CELF4: variants seen among roughly 807,000 people sequenced by gnomAD.
The protein encoded by CELF4 is CUG-BP- and ETR-3-like factor 4.
CELF4 carries 18 observed loss-of-function variants against 59.9 expected under a neutral mutation model. That is an observed-to-expected ratio of 0.30 (90% CI 0.21 to 0.45). The LOEUF (loss-of-function observed/expected upper bound fraction) is 0.45, where lower values mean the gene tolerates loss of function less well. CELF4 is among the 20% of genes least tolerant of loss of function. The pLI is 1.00. For missense variants in CELF4, 456 were observed against 689.0 expected, an observed-to-expected ratio of 0.66 and a Z score of 3.79; for synonymous variants, 261 against 267.1, an observed-to-expected ratio of 0.98 and a Z score of 0.22.
chr18:37,335,897 C>T (rs1399160591), intron 2 of CELF4, among the ~76,000 whole-genome samples: 1 of 152,200 alleles, frequency 6.6e-6, no homozygotes, highest in African/African-American at 2.4e-5. Context: ...GGCCTGACAC[C>T]CGCAGCCTGC....
intron 2 of CELF4, among the ~76,000 whole-genome samples, chr18:37,366,189 G>T (rs1186855610): frequency 6.6e-6 from 1 of 152,186 alleles, no homozygotes; most frequent in East Asian, 1.9e-4. Context: ...CCCCAAACCA[G>T]ATCTCGAGGC....
intron 1 of CELF4, among the ~76,000 whole-genome samples, chr18:37,491,030 G>A (rs1345631307): frequency 6.6e-6 from 1 of 152,192 alleles, no homozygotes; most frequent in Admixed American, 6.5e-5. Context: ...AAGGTGGGGT[G>A]GGGGCAGAGA....
chr18:37,308,329 CT>C (rs779540878), intron 3 of CELF4, among the ~76,000 whole-genome samples: 11 of 152,190 alleles, frequency 7.2e-5, no homozygotes, highest in Non-Finnish European at 1.5e-4. Flanking sequence ...TGGTTTCCTC[CT>C]TTTGCCCTGG....
intron 2 of CELF4, among the ~76,000 whole-genome samples, chr18:37,468,327 G>T (rs1213350861): frequency 6.6e-6 from 1 of 152,180 alleles, no homozygotes; most frequent in African/African-American, 2.4e-5. Flanking sequence ...AACAGTGCTG[G>T]CCTCAGAGGC....
At chr18:37,286,096 C>CG (rs1312574028) in intron 3 of CELF4, among the ~76,000 whole-genome samples, 1 of 151,606 alleles carries the variant, frequency 6.6e-6, no homozygotes, top group Non-Finnish European at 1.5e-5. Flanking sequence ...CCAGCATGGG[C>CG]GGGGGGAGGT....
intron 2 of CELF4, among the ~76,000 whole-genome samples, chr18:37,450,372 C>T (rs1335492980): frequency 6.6e-6 from 1 of 151,712 alleles, no homozygotes; most frequent in Non-Finnish European, 1.5e-5. Context: ...GTGTCTCTGT[C>T]TCCCTGTCCA....
intron 1 of CELF4, among the ~76,000 whole-genome samples, chr18:37,539,584 C>T (rs2099976283): frequency 1.3e-5 from 2 of 152,206 alleles, no homozygotes; most frequent in African/African-American, 4.8e-5. Flanking sequence ...GTGACAGTCA[C>T]ACATGCCCAT....
At chr18:37,259,416 C>T in intron 10 of CELF4, 152 bp from the exon 11 acceptor site, 2 of 607,866 alleles carry the variant, frequency 3.3e-6, no homozygotes, top group Non-Finnish European at 5.9e-6. Context: ...CAAGGGCGCC[C>T]CAGAAGAGGC....
Position 37,245,455 on chromosome 18 carries a change from T to C in CELF4, c.*45-258A>G, listed in dbSNP as rs1384320404. Among the ~76,000 whole-genome samples, 1 of 152,174 alleles carries C rather than the reference T, an allele frequency of 6.6e-6. No individual in the cohort carries two copies. Among genetic ancestry groups the C allele is most frequent in the African/African-American group, 2.4e-5 (1 of 41,432 alleles). ...AGGTTTCGTTGTTGGGAGAAGGTTC[T>C]TGATTTGGGTTACTTTAGCATTCTG... On this transcript the variant is annotated intron_variant, in intron 12 of 12. Transcript: ENST00000420428. The surrounding 1 kb of genome is among the most constrained non-coding windows in gnomAD (Gnocchi z 4.1).
At chr18:37,449,538 G>A (rs1024018458) in intron 2 of CELF4, among the ~76,000 whole-genome samples, 1 of 152,164 alleles carries the variant, frequency 6.6e-6, no homozygotes, top group Non-Finnish European at 1.5e-5. Context: ...CGGGGATACA[G>A]CGGTAAACAA....
chr18:37,511,538 T>G (rs1344149004), intron 1 of CELF4, among the ~76,000 whole-genome samples: 6 of 151,782 alleles, frequency 4.0e-5, no homozygotes, highest in African/African-American at 1.5e-4. Flanking sequence ...ACACTCTTGG[T>G]CTAACATACC....
chr18:37,470,885 T>TAAA (rs2099820049), intron 2 of CELF4, among the ~76,000 whole-genome samples: 1 of 79,604 alleles, frequency 1.3e-5, no homozygotes, highest in African/African-American at 4.8e-5. Flanking sequence ...TGTGTGTGTG[T>TAAA]GTGACAGAGA....
intron 2 of CELF4, among the ~76,000 whole-genome samples, chr18:37,420,684 G>A (rs2099572838): frequency 2.6e-5 from 4 of 152,186 alleles, no homozygotes; most frequent in Admixed American, 2.6e-4. Context: ...ATGGGGCCTG[G>A]AACCTGGCTA....
intron 1 of CELF4, among the ~76,000 whole-genome samples, chr18:37,511,844 C>T (rs1217394698): frequency 6.6e-6 from 1 of 152,070 alleles, no homozygotes; most frequent in Non-Finnish European, 1.5e-5. Flanking sequence ...AATGGTTTCT[C>T]TCCTACCATG....
At chr18:37,384,042 C>T (rs7242303) in intron 2 of CELF4, among the ~76,000 whole-genome samples, 40,412 of 152,052 alleles carry the variant, frequency 0.27, 5,812 homozygotes, top group East Asian at 0.42. Flanking sequence ...CGGTGCTGAG[C>T]TTGTCCTGCC....
intron 3 of CELF4, among the ~76,000 whole-genome samples, chr18:37,307,665 G>A (rs1219263720): frequency 1.3e-5 from 2 of 152,090 alleles, no homozygotes; most frequent in Non-Finnish European, 1.5e-5. Context: ...AGGTAGGGAG[G>A]ACGTCTGCGT....
chr18:37,264,230 C>T (rs1231657719), intron 10 of CELF4, among the ~76,000 whole-genome samples: 3 of 152,226 alleles, frequency 2.0e-5, no homozygotes, highest in Non-Finnish European at 4.4e-5. Context: ...CTGGTACACA[C>T]AGGCCTAACC....
chr18:37,432,624 G>A (rs2099673560), intron 2 of CELF4, among the ~76,000 whole-genome samples: 1 of 152,198 alleles, frequency 6.6e-6, no homozygotes, highest in South Asian at 2.1e-4. Context: ...TCTCACTCAT[G>A]TGGTTTGGCA....
intron 2 of CELF4, among the ~76,000 whole-genome samples, chr18:37,468,557 G>A (rs1427479711): frequency 6.6e-6 from 1 of 152,196 alleles, no homozygotes; most frequent in Non-Finnish European, 1.5e-5. Context: ...GATGACATCA[G>A]TCATTCAACT....
Sources: gnomAD v4.1 joint callset for allele counts (sites outside exome capture counted in the v4.1 genomes callset) on GRCh38, gnomAD v4.1.1 for gene constraint, Gnocchi (gnomAD v3.1) non-coding constraint, MANE v1.5 for transcripts, NCBI Gene and HGNC (gene_info 2026-07-23, HGNC 2026-07-21) for gene names.